FANCC: variants seen among roughly 807,000 people sequenced by gnomAD.
FANCC encodes Fanconi anemia group C protein.
FANCC carries 55 observed loss-of-function variants against 71.3 expected under a neutral mutation model. The observed-to-expected ratio is 0.77, with a 90% CI of 0.62 to 0.97. The LOEUF (loss-of-function observed/expected upper bound fraction) is 0.97. Ranked by LOEUF, FANCC falls within the 50% of genes least tolerant of loss-of-function variation. The pLI is 0.00. For missense variants in FANCC, 678 were observed against 670.9 expected (o/e 1.01, Z -0.12); for synonymous variants, 275 against 244.9 (o/e 1.12, Z -1.15).
Position 95,247,434 on chromosome 9 carries a change from T to C in FANCC, c.248A>G (p.Tyr83Cys), listed in dbSNP as rs140992397. 16 of 1,610,392 alleles carry C rather than the reference T, an allele frequency of 9.9e-6. No homozygotes were observed. In the African/African-American group the frequency reaches 1.7e-4, roughly 17 times the overall value. Residue 83 changes from tyrosine to cysteine, a missense_variant and splice_region_variant, in exon 3 of 15, where the codon TAT (tyrosine) becomes TGT (cysteine). Tyr to Cys is a radical substitution (Grantham distance 194). Coordinates refer to ENST00000289081, the MANE Select transcript of FANCC (RefSeq NM_000136.3). ...GAGGACACGTTTTTGATTCTTACCATATGCTAAAATAAAAGGATTCCAACA... is the reference window on the plus strand; with the variant it reads ...GAGGACACGTTTTTGATTCTTACCACATGCTAAAATAAAAGGATTCCAACA... ...KACWNPFILA[Y>C]DESQKILIWC...
intron 1 of FANCC, among the ~76,000 whole-genome samples, chr9:95,301,175 A>AC (rs1834703623): frequency 6.8e-6 from 1 of 145,986 alleles, no homozygotes; most frequent in Non-Finnish European, 1.5e-5. Context: ...TAACCATCAA[A>AC]ACACACACAC....
intron 1 of FANCC, among the ~76,000 whole-genome samples, chr9:95,282,575 A>C (rs1241508483): frequency 6.6e-6 from 1 of 152,188 alleles, no homozygotes; most frequent in Non-Finnish European, 1.5e-5. Flanking sequence ...TGTACCCTAG[A>C]CCAAATGGAC....
At chr9:95,302,353 C>G (rs185120682) in intron 1 of FANCC, among the ~76,000 whole-genome samples, 1 of 152,196 alleles carries the variant, frequency 6.6e-6, no homozygotes, top group Non-Finnish European at 1.5e-5. Flanking sequence ...TTCAGTGAGC[C>G]AGGGCAAATG....
rs894293675 is a variant in FANCC, at chr9:95,099,204, T to C, written c.*2503A>G. The C allele has an allele frequency of 4.6e-6, 1 of 217,250 alleles. No individual in the cohort carries two copies. The highest frequency in any genetic ancestry group is 9.2e-6 in the Non-Finnish European group (1 of 108,292). 13.5% of individuals were successfully genotyped at this position (217,250 alleles called of 1,614,324 possible). A position where few individuals can be genotyped will look rare whatever the true frequency, so the allele number is the denominator to read the frequency against. On this transcript the variant is annotated 3_prime_UTR_variant, in exon 15 of 15. Transcript: ENST00000289081. The stretch of plus-strand genomic sequence containing the variant: ...TCTCCGCCTCTTCTGTATTTTTGGC[T>C]CTCTCTGAGGGTAGTGGTTTTACCA...
chr9:95,307,096 G>T (rs1456116053), intron 1 of FANCC, among the ~76,000 whole-genome samples: 1 of 152,084 alleles, frequency 6.6e-6, no homozygotes, highest in Admixed American at 6.5e-5. Flanking sequence ...TGTTGCCCAG[G>T]CTCGTCCTGA....
intron 1 of FANCC, among the ~76,000 whole-genome samples, chr9:95,291,540 G>A (rs1252887077): frequency 6.6e-6 from 1 of 151,944 alleles, no homozygotes; most frequent in African/African-American, 2.4e-5. Context: ...GGATGTGAAA[G>A]ATCTCTACAA....
chr9:95,198,489 C>T (rs919833473), intron 4 of FANCC, among the ~76,000 whole-genome samples: 1 of 152,076 alleles, frequency 6.6e-6, no homozygotes, highest in East Asian at 1.9e-4. Context: ...TGTAATTACC[C>T]TGTTGGTCAG....
chr9:95,112,017 G>A (rs1046109198), intron 12 of FANCC, among the ~76,000 whole-genome samples: 5 of 152,216 alleles, frequency 3.3e-5, no homozygotes, highest in South Asian at 2.1e-4. Flanking sequence ...AGGGTAGGAC[G>A]CAGGCAGAAA....
At chr9:95,277,190 AAC>A in intron 1 of FANCC, among the ~76,000 whole-genome samples, 1 of 152,318 alleles carries the variant, frequency 6.6e-6, no homozygotes, top group African/African-American at 2.4e-5. Context: ...TAACTCCAAA[AAC>A]AGTTTTTATA....
chr9:95,183,574 C>T (rs79370144), intron 4 of FANCC, among the ~76,000 whole-genome samples: 1,591 of 152,276 alleles, frequency 0.01, 29 homozygotes, highest in African/African-American at 0.037. Flanking sequence ...CATAAAATAC[C>T]CACAGAATAC....
intron 4 of FANCC, 84 bp from the exon 5 acceptor site, chr9:95,172,231 A>C: frequency 1.2e-6 from 1 of 836,218 alleles, no homozygotes; most frequent in South Asian, 1.6e-5. Context: ...ATTTATTTGT[A>C]CATGGGGGTG....
chr9:95,112,057 A>G (rs1339113895), intron 12 of FANCC, among the ~76,000 whole-genome samples: 3 of 152,356 alleles, frequency 2.0e-5, no homozygotes, highest in Admixed American at 6.5e-5. Flanking sequence ...GACAAGACGC[A>G]AAGTTCAGGT....
At chr9:95,171,057 G>A (rs994474127) in intron 6 of FANCC, 22 bp downstream of exon 6, 23 of 1,591,164 alleles carry the variant, frequency 1.4e-5, no homozygotes, top group Non-Finnish European at 1.9e-5. Context: ...CTGAGAAGAA[G>A]GATGTTTAGT....
chr9:95,103,961 G>C (rs2071249319), intron 14 of FANCC, among the ~76,000 whole-genome samples: 1 of 152,216 alleles, frequency 6.6e-6, no homozygotes, highest in Admixed American at 6.5e-5. Flanking sequence ...CCAAGATAGA[G>C]GGCAGAGCCT....
At chr9:95,294,817 C>A in intron 1 of FANCC, 1 of 1,533,190 alleles carries the variant, frequency 6.5e-7, no homozygotes, top group Non-Finnish European at 8.7e-7. Flanking sequence ...CTAAAACTAA[C>A]AGTGGAGTCC....
intron 1 of FANCC, among the ~76,000 whole-genome samples, chr9:95,254,596 T>C (rs1480295935): frequency 6.6e-6 from 1 of 152,212 alleles, no homozygotes; most frequent in African/African-American, 2.4e-5. Flanking sequence ...GACCAGAAGA[T>C]TCCCTTGGGT....
chr9:95,308,000 A>G (rs1290239136), intron 1 of FANCC, among the ~76,000 whole-genome samples: 1 of 152,254 alleles, frequency 6.6e-6, no homozygotes, highest in East Asian at 1.9e-4. Flanking sequence ...ACTCGCTTTT[A>G]TAACAAACCA....
At position 95,100,502 on chromosome 9, in the gene FANCC, G is replaced by C; in HGVS notation, c.*1205C>G. 1 of 232,080 alleles carries C rather than the reference G, an allele frequency of 4.3e-6. No individual in the cohort carries two copies. Among genetic ancestry groups the C allele is most frequent in the Non-Finnish European group, 8.5e-6 (1 of 117,288 alleles). The allele number at this position is 232,080 out of a possible 1,614,324, so 14.4% of individuals were successfully genotyped here. A position where few individuals can be genotyped will look rare whatever the true frequency, so the allele number is the denominator to read the frequency against. Reference sequence around the variant, plus strand: ...TACACACAAATCAAAATGGACAAAAGCAAGTCTTGACTCACTTGACAAACA... The same window carrying C: ...TACACACAAATCAAAATGGACAAAACCAAGTCTTGACTCACTTGACAAACA... On this transcript the variant is annotated 3_prime_UTR_variant, in exon 15 of 15. Coordinates refer to ENST00000289081, the MANE Select transcript of FANCC (RefSeq NM_000136.3).
At chr9:95,133,519 C>T (rs1487303210) in intron 8 of FANCC, among the ~76,000 whole-genome samples, 3 of 152,192 alleles carry the variant, frequency 2.0e-5, no homozygotes, top group Non-Finnish European at 2.9e-5. Context: ...CAGTTATGTG[C>T]AATGGGACGG....
Sources: gnomAD v4.1 joint callset for allele counts (sites outside exome capture counted in the v4.1 genomes callset) on GRCh38, gnomAD v4.1.1 for gene constraint, MANE v1.5 for transcripts, NCBI Gene and HGNC (gene_info 2026-07-23, HGNC 2026-07-21) for gene names.